Variants in SAMMSON observed in about 807,000 individuals in gnomAD.
The protein encoded by SAMMSON is survival associated mitochondrial melanoma specific oncogenic non-coding RNA, also known as long intergenic non-protein coding RNA 1212.
intron 7 of SAMMSON, among the ~76,000 whole-genome samples, chr3:70,352,484 C>A (rs2111581): frequency 0.81 from 122,474 of 151,982 alleles, 49,652 homozygotes; most frequent in East Asian, 0.93. Flanking sequence ...AATTTGTCAC[C>A]AGAACACTAA....
Position 70,136,230 on chromosome 3 carries a change from C to A in SAMMSON, n.507+64665C>A, listed in dbSNP as rs189244838. On this transcript the variant is annotated intron_variant and non_coding_transcript_variant, in intron 4 of 9. Coordinates refer to ENST00000642114, the Ensembl canonical transcript of SAMMSON. The stretch of plus-strand genomic sequence containing the variant: ...CACCGTTGTGTAGTCCCCTCCCACG[C>A]TGAATAGAACTGAGCTGTTCACCAA... Among the ~76,000 whole-genome samples, 717 of 152,304 alleles carry A rather than the reference C, an allele frequency of 4.7e-3. 2 individuals carry two copies. Among genetic ancestry groups the A allele is most frequent in the Middle Eastern group, 0.014 (4 of 294 alleles).
intron 6 of SAMMSON, among the ~76,000 whole-genome samples, chr3:70,284,827 C>T (rs9841984): frequency 0.21 from 31,141 of 151,874 alleles, 3,373 homozygotes; most frequent in South Asian, 0.28. Flanking sequence ...ATGAAATAGT[C>T]TGTATAACAA....
chr3:70,163,704 C>G (rs3925029), intron 4 of SAMMSON, among the ~76,000 whole-genome samples: 59,506 of 151,638 alleles, frequency 0.39, 12,227 homozygotes, highest in East Asian at 0.71. Flanking sequence ...TGTGTTGGAG[C>G]TGACGATGCG....
At chr3:70,287,290 G>A (rs1368952654) in intron 6 of SAMMSON, among the ~76,000 whole-genome samples, 4 of 143,838 alleles carry the variant, frequency 2.8e-5, no homozygotes, top group Non-Finnish European at 4.6e-5. Flanking sequence ...TTTGTCAAAG[G>A]CCTTTTCTGC....
chr3:70,125,022 G>T, intron 4 of SAMMSON: 1 of 700,380 alleles, frequency 1.4e-6, no homozygotes, highest in Admixed American at 2.2e-5. Context: ...AAGTTGGAAA[G>T]CCCTTGAAAG....
intron 3 of SAMMSON, among the ~76,000 whole-genome samples, chr3:70,034,601 T>C (rs2067078600): frequency 6.6e-6 from 1 of 152,162 alleles, no homozygotes; most frequent in Admixed American, 6.5e-5. Flanking sequence ...CCCAGCACTT[T>C]GGGAGGCCAC....
intron 1 of SAMMSON, chr3:70,009,217 C>A (rs985052317): frequency 5.3e-5 from 8 of 152,088 alleles, no homozygotes; most frequent in Non-Finnish European, 7.3e-5. Context: ...AGGAATGGTA[C>A]CAGCTCCTCC....
intron 2 of SAMMSON, among the ~76,000 whole-genome samples, chr3:70,414,871 T>C (rs1205132139): frequency 6.6e-6 from 1 of 152,188 alleles, no homozygotes; most frequent in Non-Finnish European, 1.5e-5. Context: ...CAAAGAAATT[T>C]CTAAAGTAAA....
chr3:70,277,365 C>A (rs1410446492), intron 6 of SAMMSON, among the ~76,000 whole-genome samples: 1 of 152,042 alleles, frequency 6.6e-6, no homozygotes, highest in Non-Finnish European at 1.5e-5. Context: ...TGACTTTTTT[C>A]CCCCAGCACT....
At chr3:70,073,985 C>A (rs1240974606) in intron 4 of SAMMSON, among the ~76,000 whole-genome samples, 1 of 151,956 alleles carries the variant, frequency 6.6e-6, no homozygotes, top group Non-Finnish European at 1.5e-5. Flanking sequence ...AGGTAGTGAT[C>A]ATGCTAAAAT....
At position 70,019,330 on chromosome 3, in the gene SAMMSON, T is replaced by G. The variant is rs1355934821; in HGVS notation, n.417+5658T>G. Among the ~76,000 whole-genome samples, 3 of 152,186 alleles carry G rather than the reference T, an allele frequency of 2.0e-5. No individual in the cohort carries two copies. In the South Asian group the frequency reaches 6.2e-4, roughly 32 times the overall value. On this transcript the variant is annotated intron_variant and non_coding_transcript_variant, in intron 3 of 9. Transcript: ENST00000642114. ...CATGTTGAATTGTTCCCTTTACCAT[T>G]ATGTAATGGCCTTCTTTGTCTCTTT...
chr3:70,297,584 C>T (rs1017495452), intron 7 of SAMMSON, among the ~76,000 whole-genome samples: 2 of 152,052 alleles, frequency 1.3e-5, no homozygotes, highest in Non-Finnish European at 2.9e-5. Context: ...TTTGTGTTAT[C>T]GGAATTCTTT....
At chr3:70,228,424 CA>C (rs908224227) in intron 4 of SAMMSON, among the ~76,000 whole-genome samples, 27 of 145,476 alleles carry the variant, frequency 1.9e-4, no homozygotes, top group Admixed American at 2.7e-4. Flanking sequence ...GTTAGGCTGC[CA>C]AAAAAAAAAT....
Position 70,002,078 on chromosome 3 carries a change from T to C in SAMMSON, n.22+2211T>C, listed in dbSNP as rs536454997. ...ATTGCCTGCATGAGTCTTCTTTATA[T>C]GGATGTATCACAGTTTATTTAACCA... On this transcript the variant is annotated intron_variant and non_coding_transcript_variant, in intron 1 of 9. Transcript: ENST00000642114. Among the ~76,000 whole-genome samples the C allele has an allele frequency of 4.6e-5, 7 of 152,350 alleles. No homozygotes were observed. In the South Asian group the frequency reaches 1.0e-3, roughly 23 times the overall value.
At chr3:70,020,130 C>T (rs1386916971) in intron 3 of SAMMSON, among the ~76,000 whole-genome samples, 1 of 152,048 alleles carries the variant, frequency 6.6e-6, no homozygotes, top group Non-Finnish European at 1.5e-5. Flanking sequence ...AGGGACTGGG[C>T]CGAGCACCAG....
chr3:70,235,282 T>A (rs1001409485), intron 4 of SAMMSON, among the ~76,000 whole-genome samples: 1 of 152,202 alleles, frequency 6.6e-6, no homozygotes, highest in Non-Finnish European at 1.5e-5. Flanking sequence ...CTGGATGCAT[T>A]CTTAGGTGTA....
Position 70,185,225 on chromosome 3 carries a change from A to C in SAMMSON, n.508-63882A>C, listed in dbSNP as rs563136988. On this transcript the variant is annotated intron_variant and non_coding_transcript_variant, in intron 4 of 9. Coordinates refer to ENST00000642114, the Ensembl canonical transcript of SAMMSON. ...ACTCCCATCACCAAAGAAAGCCTTA[A>C]CTGGATTTGCCACAAAAGGAGAAAC... Among the ~76,000 whole-genome samples, 3 of 152,254 alleles carry C rather than the reference A, an allele frequency of 2.0e-5. No homozygotes were observed. The East Asian group carries it at 5.8e-4, about 30-fold the overall frequency.
At chr3:70,313,622 A>C (rs770346686) in intron 7 of SAMMSON, among the ~76,000 whole-genome samples, 4 of 152,130 alleles carry the variant, frequency 2.6e-5, no homozygotes, top group Non-Finnish European at 4.4e-5. Context: ...CAAGGAAAAT[A>C]ATATTTATTT....
chr3:70,388,678 C>T (rs190776250), intron 9 of SAMMSON, among the ~76,000 whole-genome samples: 77 of 152,198 alleles, frequency 5.1e-4, no homozygotes, highest in Admixed American at 9.2e-4. Flanking sequence ...AACATCATCC[C>T]GTGCTTATTT....
Sources: gnomAD v4.1 joint callset for allele counts (sites outside exome capture counted in the v4.1 genomes callset) on GRCh38, gnomAD v4.1.1 for gene constraint, MANE v1.5 for transcripts, NCBI Gene and HGNC (gene_info 2026-07-23, HGNC 2026-07-21) for gene names.